The following TRNAU1AP variants were observed in gnomAD, a reference collection of about 807,000 sequenced individuals.
TRNAU1AP encodes the protein tRNA selenocysteine 1 associated protein 1, also known as tRNA selenocysteine 1-associated protein 1.
A neutral mutation model predicts 43.3 loss-of-function variants in TRNAU1AP; 33 were observed. The observed-to-expected ratio is 0.76, with a 90% CI of 0.58 to 1.02. The LOEUF (loss-of-function observed/expected upper bound fraction) is 1.02, where lower values mean the gene tolerates loss of function less well. Ranked by LOEUF, TRNAU1AP falls within the 50% of genes least tolerant of loss-of-function variation. TRNAU1AP has a pLI of 0.00. For missense variants in TRNAU1AP, 290 were observed against 362.7 expected (o/e 0.80, Z 1.63); for synonymous variants, 143 against 129.1 (o/e 1.11, Z -0.73).
intron 8 of TRNAU1AP, among the ~76,000 whole-genome samples, chr1:28,573,484 A>C (rs984837804): frequency 2.6e-5 from 4 of 151,872 alleles, no homozygotes; most frequent in South Asian, 2.1e-4. Context: ...ACTAAAAATA[A>C]AAAAATTGCC....
At chr1:28,560,932 C>A in intron 3 of TRNAU1AP, 200 bp downstream of exon 3, 1 of 902,116 alleles carries the variant, frequency 1.1e-6, no homozygotes, top group Non-Finnish European at 1.6e-6. Context: ...TAGTAAATGG[C>A]AGAGCCAGGA....
intron 5 of TRNAU1AP, 121 bp downstream of exon 5, chr1:28,564,955 C>A: frequency 8.1e-7 from 1 of 1,233,422 alleles, no homozygotes; most frequent in Non-Finnish European, 1.2e-6. Context: ...TGGAGCCAAA[C>A]TGCCTGGTTC....
At chr1:28,560,846 G>A (rs886932630) in intron 3 of TRNAU1AP, 114 bp downstream of exon 3, 3 of 971,232 alleles carry the variant, frequency 3.1e-6, no homozygotes, top group Non-Finnish European at 4.5e-6. Context: ...ACCCTTTACA[G>A]TAGGCATTGT....
rs897179857 is a variant in TRNAU1AP, at chr1:28,571,311, G to A, written c.666G>A (p.Gln222=). The part of the protein sequence containing the change: ...NTGSYSYSYP[Q]YGYTQSTMQT... ...GCAGCTACAGCTACAGTTACCCCCA[G>A]TATGGCTATACCCAGAGCACCATGC... The change falls in exon 7 of 9, where the codon CAG becomes CAA. Residue 222 remains glutamine, a synonymous_variant. Transcript: ENST00000373830. 4 of 1,613,844 alleles carry A rather than the reference G, an allele frequency of 2.5e-6. No homozygotes were observed. The East Asian group carries it at 6.7e-5, about 27-fold the overall frequency.
At chr1:28,554,569 C>A (rs1557430358) in intron 2 of TRNAU1AP, among the ~76,000 whole-genome samples, 1 of 152,068 alleles carries the variant, frequency 6.6e-6, no homozygotes, top group Non-Finnish European at 1.5e-5. Flanking sequence ...TAGCCGGGCG[C>A]AGTGGCTCTC....
rs1318653914 is a variant in TRNAU1AP at position 28,577,580 on chromosome 1, G to C, written c.808G>C (p.Asp270His). The C allele has an allele frequency of 6.2e-7, 1 of 1,614,016 alleles. No homozygotes were observed. The highest frequency in any genetic ancestry group is 2.2e-5 in the East Asian group (1 of 44,898). Residue 270 changes from aspartate (D) to histidine (H), a missense_variant, in exon 9 of 9, where the codon GAC (aspartate) becomes CAC (histidine). Around this residue, in one of 3 missense-constraint regions of TRNAU1AP, gnomAD observed 57 missense variants for 55.1 expected, o/e 1.03. Coordinates refer to ENST00000373830, the MANE Select transcript of TRNAU1AP (RefSeq NM_017846.5). ...QSEELYDALM[D>H]CHWQPLDTVS... ...TGAGGAGCTGTATGACGCTCTGATG[G>C]ACTGTCACTGGCAGCCCCTGGACAC...
At chr1:28,555,533 C>T (rs1665239397) in intron 2 of TRNAU1AP, among the ~76,000 whole-genome samples, 1 of 146,562 alleles carries the variant, frequency 6.8e-6, no homozygotes, top group Non-Finnish European at 1.5e-5. Flanking sequence ...CTCGCTCTGT[C>T]ACTACCCAGG....
At chr1:28,554,760 C>T (rs1020129707) in intron 2 of TRNAU1AP, among the ~76,000 whole-genome samples, 8 of 150,990 alleles carry the variant, frequency 5.3e-5, no homozygotes, top group African/African-American at 1.7e-4. Flanking sequence ...AGGAGAATGG[C>T]GTGAACCCAG....
Position 28,553,144 on chromosome 1 carries a change from G to C in TRNAU1AP, c.27+7G>C. 1 of 1,518,046 alleles carries C rather than the reference G, an allele frequency of 6.6e-7. No homozygotes were observed. The highest frequency in any genetic ancestry group is 1.2e-5 in the South Asian group (1 of 81,634). 94.0% of individuals were successfully genotyped at this position (1,518,046 alleles called of 1,614,324 possible). A position where few individuals can be genotyped will look rare whatever the true frequency, so the allele number is the denominator to read the frequency against. On this transcript the variant is annotated splice_region_variant and intron_variant, in intron 1 of 8. Transcript: ENST00000373830. ...CAGCCTGTGGATGGGCGACGTGAGT[G>C]AGGGCAGCCGTCCGGGGTCTGAAGA...
intron 8 of TRNAU1AP, among the ~76,000 whole-genome samples, chr1:28,575,986 G>C (rs1472730387): frequency 7.0e-6 from 1 of 142,686 alleles, no homozygotes; most frequent in Non-Finnish European, 1.5e-5. Flanking sequence ...TCAGCCTCCC[G>C]AGTAGCTGGG....
chr1:28,561,175 T>G (rs1665396388), intron 3 of TRNAU1AP, 171 bp from the exon 4 acceptor site: 1 of 1,437,970 alleles, frequency 7.0e-7, no homozygotes, highest in Admixed American at 2.6e-5. Flanking sequence ...GAGCTGGCAG[T>G]GCCCTTAGCG....
In TRNAU1AP at chr1:28,553,157, C is replaced by CG. The variant is rs1486129327; in HGVS notation, c.27+24dup. ...GGCGACGTGAGTGAGGGCAGCCGTC[C>CG]GGGGTCTGAAGACAAGGAAGCATCT... is the stretch of plus-strand genomic sequence containing the variant. On this transcript the variant is annotated intron_variant, in intron 1 of 8. Coordinates refer to ENST00000373830, the MANE Select transcript of TRNAU1AP (RefSeq NM_017846.5). 2 of 1,503,706 alleles carry CG rather than the reference C, an allele frequency of 1.3e-6. No homozygotes were observed. Among genetic ancestry groups the CG allele is most frequent in the Non-Finnish European group, 1.8e-6 (2 of 1,122,836 alleles). 93.1% of individuals were successfully genotyped at this position (1,503,706 alleles called of 1,614,324 possible).
In TRNAU1AP at chr1:28,577,798, T is replaced by C. The variant is rs1570263574; in HGVS notation, c.*162T>C. The stretch of plus-strand genomic sequence containing the variant: ...CAACACTGCTGCATTCATTTGACCA[T>C]TTGAGTTTGAAGACCAAGGGAACAA... On this transcript the variant is annotated 3_prime_UTR_variant, in exon 9 of 9. Coordinates refer to ENST00000373830, the MANE Select transcript of TRNAU1AP (RefSeq NM_017846.5). 3 of 795,266 alleles carry C rather than the reference T, an allele frequency of 3.8e-6. No homozygotes were observed. The highest frequency in any genetic ancestry group is 2.9e-5 in the East Asian group (1 of 34,838). The allele number at this position is 795,266 out of a possible 1,614,324, so 49.3% of individuals were successfully genotyped here.
intron 6 of TRNAU1AP, 50 bp from the exon 7 acceptor site, chr1:28,571,126 G>T: frequency 6.3e-7 from 1 of 1,583,568 alleles, no homozygotes; most frequent in Non-Finnish European, 8.7e-7. Flanking sequence ...CATAGGCAGT[G>T]TTACGGAAAT....
At chr1:28,559,723 C>CT (rs1309526927) in intron 2 of TRNAU1AP, among the ~76,000 whole-genome samples, 1 of 152,094 alleles carries the variant, frequency 6.6e-6, no homozygotes, top group East Asian at 1.9e-4. Context: ...TTTGCATAGT[C>CT]TATCTCTAAA....
chr1:28,553,698 C>A lies in TRNAU1AP; in HGVS notation c.86C>A (p.Thr29Asn). ...ISRAFATMGE[T>N]VMSVKIIRNR... is the part of the protein sequence containing the mutation. ...AGAGCCTTTGCCACCATGGGGGAGACCGTAATGAGCGTCAAAATTATCCGA... is the reference window on the plus strand; with the variant it reads ...AGAGCCTTTGCCACCATGGGGGAGAACGTAATGAGCGTCAAAATTATCCGA... Residue 29 changes from threonine to asparagine, a missense_variant, in exon 2 of 9, where the codon ACC becomes AAC. Thr to Asn is a moderately conservative substitution (Grantham distance 65). Transcript: ENST00000373830. 1 of 1,614,138 alleles carries A rather than the reference C, an allele frequency of 6.2e-7. No homozygotes were observed.
intron 2 of TRNAU1AP, among the ~76,000 whole-genome samples, chr1:28,559,164 C>G (rs189551373): frequency 6.6e-6 from 1 of 151,378 alleles, no homozygotes. Context: ...CTCTGCCTCC[C>G]GGGTTCAAGC....
intron 2 of TRNAU1AP, among the ~76,000 whole-genome samples, chr1:28,556,776 C>T (rs141786831): frequency 0.018 from 2,701 of 152,130 alleles, 75 homozygotes; most frequent in African/African-American, 0.062. Context: ...CTCTGCCTCC[C>T]AGGTTCAAGC....
chr1:28,569,853 T>C (rs1487199833), intron 6 of TRNAU1AP, among the ~76,000 whole-genome samples: 1 of 117,962 alleles, frequency 8.5e-6, no homozygotes, highest in East Asian at 2.2e-4. Context: ...AAAAAAAAAT[T>C]AGCCGGGCGT....
Sources: allele counts gnomAD v4.1 joint callset (sites outside exome capture counted in the v4.1 genomes callset), GRCh38; gene constraint gnomAD v4.1.1; regional missense constraint gnomAD v4.1.1; transcripts MANE v1.5; gene names NCBI Gene and HGNC (gene_info 2026-07-23, HGNC 2026-07-21).